The following PITPNM2 variants were observed in gnomAD, a reference collection of about 807,000 sequenced individuals.
PITPNM2 encodes the protein membrane-associated phosphatidylinositol transfer protein 2.
In PITPNM2, 35 loss-of-function variants were observed where a neutral mutation model predicts 132.2. The ratio of observed to expected loss-of-function variants is 0.26; its 90% confidence interval spans 0.20 to 0.35. The LOEUF (loss-of-function observed/expected upper bound fraction) is 0.35. Among genes scored for constraint, PITPNM2 ranks in the 10% least tolerant of loss-of-function variants. The probability of loss-of-function intolerance (pLI) is 1.00; values close to 1 mark genes in which losing one functional copy is unlikely to be tolerated. For missense variants in PITPNM2, 1,332 were observed against 1,912.0 expected (o/e 0.70, Z 5.66); for synonymous variants, 738 against 799.2 (o/e 0.92, Z 1.29).
intron 1 of PITPNM2, among the ~76,000 whole-genome samples, chr12:123,122,384 C>T (rs969988676): frequency 6.6e-6 from 1 of 152,142 alleles, no homozygotes; most frequent in African/African-American, 2.4e-5. Flanking sequence ...ATCGCTTGAA[C>T]CTGGGAGGCG....
intron 1 of PITPNM2, among the ~76,000 whole-genome samples, chr12:123,144,676 C>T (rs2043575501): frequency 6.6e-6 from 1 of 152,142 alleles, no homozygotes; most frequent in South Asian, 2.1e-4. Flanking sequence ...ATTATCTGCC[C>T]ACCTCGGCCT....
intron 3 of PITPNM2, among the ~76,000 whole-genome samples, chr12:123,014,577 C>G (rs1009004049): frequency 6.6e-6 from 1 of 152,092 alleles, no homozygotes; most frequent in South Asian, 2.1e-4. Context: ...GTGGCACATG[C>G]CTGTAGCCCC....
rs930639521 is a variant in PITPNM2 at position 123,036,524 on chromosome 12, A to G, written c.-95-1839T>C. 5.9e-5 allele frequency among the ~76,000 whole-genome samples: 9 copies of G among 152,344 alleles called. No homozygotes were observed. The East Asian group carries it at 1.7e-3, about 29-fold the overall frequency. On this transcript the variant is annotated intron_variant, in intron 2 of 25. Coordinates refer to ENST00000320201, the MANE Select transcript of PITPNM2 (RefSeq NM_020845.3). This position sits in a 1 kb window ranked among gnomAD's most constrained non-coding sequence, Gnocchi z 4.1. ...CATAGCAAGACCCTCCTCTCTATTA[A>G]AAAAGAACCCAATTCTCACATCCAG...
At chr12:123,075,504 C>G (rs755196625) in intron 2 of PITPNM2, 1 of 152,248 alleles carries the variant, frequency 6.6e-6, no homozygotes, top group Non-Finnish European at 1.5e-5. Context: ...CTGTCTGAAC[C>G]ACAGGGCTTC....
rs543637004 is a variant in PITPNM2, at chr12:123,083,883, C to A, written c.-96+26502G>T. ...CGTCCTGCCAGGCTATTTATAGCCT[C>A]CCTCTCTCTGAAAACTCCTTCACCC... On this transcript the variant is annotated intron_variant, in intron 2 of 25. Transcript: ENST00000320201. The surrounding 1 kb of genome is among the most constrained non-coding windows in gnomAD (Gnocchi z 4.5). 6.6e-6 allele frequency: 1 copy of A among 152,400 alleles called. No individual in the cohort carries two copies. The highest frequency in any genetic ancestry group is 2.4e-5 in the African/African-American group (1 of 41,584). The allele number at this position is 152,400 out of a possible 1,614,324, so 9.4% of individuals were successfully genotyped here.
In PITPNM2 at chr12:123,004,854, T is replaced by C. The variant is rs1313045473; in HGVS notation, c.953-365A>G. Among the ~76,000 whole-genome samples, 1 of 151,708 alleles carries C rather than the reference T, an allele frequency of 6.6e-6. No individual in the cohort carries two copies. Among genetic ancestry groups the C allele is most frequent in the Non-Finnish European group, 1.5e-5 (1 of 67,878 alleles). ...GCCACAGCAGGGCCCAGGCGGGAGA[T>C]GAGTGAGCCAGGCCTGCCTGCTGGA... is the stretch of plus-strand genomic sequence containing the variant. On this transcript the variant is annotated intron_variant, in intron 7 of 25. Coordinates refer to ENST00000320201, the MANE Select transcript of PITPNM2 (RefSeq NM_020845.3). This position sits in a 1 kb window ranked among gnomAD's most constrained non-coding sequence, Gnocchi z 4.9.
chr12:123,036,802 G>A lies in PITPNM2; in HGVS notation c.-95-2117C>T, dbSNP rs1391787099. ...TTCCTTGCCCTGTTCCCCTCCTTGG[G>A]GTGGCCCCAGGCCCTGCTATATCCA... On this transcript the variant is annotated intron_variant, in intron 2 of 25. Coordinates refer to ENST00000320201, the MANE Select transcript of PITPNM2 (RefSeq NM_020845.3). This position sits in a 1 kb window ranked among gnomAD's most constrained non-coding sequence, Gnocchi z 4.1. Among the ~76,000 whole-genome samples the A allele has an allele frequency of 2.6e-5, 4 of 152,118 alleles. No homozygotes were observed. Among genetic ancestry groups the A allele is most frequent in the Non-Finnish European group, 5.9e-5 (4 of 67,998 alleles).
intron 2 of PITPNM2, among the ~76,000 whole-genome samples, chr12:123,063,763 G>A (rs1245000543): frequency 1.3e-5 from 2 of 152,188 alleles, no homozygotes; most frequent in Non-Finnish European, 2.9e-5. Flanking sequence ...CTCAGGCTTT[G>A]ACATCAGAAT....
chr12:123,034,419 G>A (rs1555291044), intron 3 of PITPNM2, 94 bp downstream of exon 3: 5 of 1,217,242 alleles, frequency 4.1e-6, no homozygotes, highest in East Asian at 4.7e-5. Flanking sequence ...GCACTGCACT[G>A]TGAAGGCCAC....
At chr12:123,068,311 CA>C (rs376687479) in intron 2 of PITPNM2, among the ~76,000 whole-genome samples, 6 of 152,010 alleles carry the variant, frequency 3.9e-5, no homozygotes, top group Admixed American at 1.3e-4. Flanking sequence ...ACTAAAAATA[CA>C]AAAAATTAGC....
chr12:122,989,809 G>C lies in PITPNM2; in HGVS notation c.2709C>G (p.Leu903=). ...TACCTTCTCCAATGTCCAGCTCAGG[G>C]AGGCCAGGGGCCCTCTCCAGGCCAG... ...ASPGLERAPG[L]PELDIGEVAA... Residue 903 remains leucine, a synonymous_variant, in exon 18 of 26, where the codon CTC becomes CTG. Transcript: ENST00000320201. 2.1e-6 allele frequency: 3 copies of C among 1,407,104 alleles called. No individual in the cohort carries two copies. Among genetic ancestry groups the C allele is most frequent in the Non-Finnish European group, 1.9e-6 (2 of 1,077,270 alleles). The allele number at this position is 1,407,104 out of a possible 1,614,324, so 87.2% of individuals were successfully genotyped here. A position where few individuals can be genotyped will look rare whatever the true frequency, so the allele number is the denominator to read the frequency against.
In PITPNM2 at chr12:123,099,212, C is replaced by T. The variant is rs1341751126; in HGVS notation, c.-96+11173G>A. 6.6e-6 allele frequency among the ~76,000 whole-genome samples: 1 copy of T among 151,960 alleles called. No homozygotes were observed. Among genetic ancestry groups the T allele is most frequent in the Non-Finnish European group, 1.5e-5 (1 of 67,990 alleles). On this transcript the variant is annotated intron_variant, in intron 2 of 25. Transcript: ENST00000320201. The surrounding 1 kb of genome is among the most constrained non-coding windows in gnomAD (Gnocchi z 4.2). Reference sequence around the variant, plus strand: ...GGCAACTGATTCCCTCCTTCACGCTCACCCAGAACTGTCGATTTTGCTGAA... The same window carrying T: ...GGCAACTGATTCCCTCCTTCACGCTTACCCAGAACTGTCGATTTTGCTGAA...
chr12:122,999,004 G>A (rs1001182227), intron 10 of PITPNM2, among the ~76,000 whole-genome samples: 3 of 152,058 alleles, frequency 2.0e-5, no homozygotes, highest in Non-Finnish European at 4.4e-5. Context: ...CCAGCTACTC[G>A]GGAGGCTGAG....
intron 6 of PITPNM2, among the ~76,000 whole-genome samples, chr12:123,006,479 T>C (rs751173151): frequency 1.3e-5 from 2 of 151,042 alleles, no homozygotes; most frequent in Non-Finnish European, 2.9e-5. Context: ...GGTGAGAGGA[T>C]GGCTTGAGGC....
chr12:123,030,471 A>G (rs1412885535), intron 3 of PITPNM2, among the ~76,000 whole-genome samples: 1 of 152,166 alleles, frequency 6.6e-6, no homozygotes, highest in African/African-American at 2.4e-5. Flanking sequence ...AGGCGGGCGG[A>G]TCACGAGGTC....
intron 2 of PITPNM2, among the ~76,000 whole-genome samples, chr12:123,098,217 C>T (rs937009373): frequency 2.0e-5 from 3 of 152,138 alleles, no homozygotes; most frequent in Admixed American, 6.5e-5. Context: ...CCCACAGGCT[C>T]TGGGAGATGC....
chr12:122,988,023 G>C (rs1418042758), intron 20 of PITPNM2, 122 bp from the exon 21 acceptor site: 2 of 988,300 alleles, frequency 2.0e-6, no homozygotes, highest in African/African-American at 3.2e-5. Flanking sequence ...GCCCATGTCT[G>C]AGTCTGGATC....
rs1030361644 is a variant in PITPNM2, at chr12:123,000,159, G to C, written c.1224+619C>G. The C allele has an allele frequency of 2.8e-5, 15 of 536,522 alleles. No individual in the cohort carries two copies. The highest frequency in any genetic ancestry group is 4.3e-5 in the Non-Finnish European group (13 of 302,836). 33.2% of individuals were successfully genotyped at this position (536,522 alleles called of 1,614,324 possible). ...CTCCACCTTAGGTAGCTTGAGGCCAGAGCAGTGCGGTGACCGCAGGTGATG... is the reference window on the plus strand; with the variant it reads ...CTCCACCTTAGGTAGCTTGAGGCCACAGCAGTGCGGTGACCGCAGGTGATG... On this transcript the variant is annotated intron_variant, in intron 10 of 25. Transcript: ENST00000320201. This position sits in a 1 kb window ranked among gnomAD's most constrained non-coding sequence, Gnocchi z 5.4.
Position 123,034,694 on chromosome 12 carries a change from CAG to C in PITPNM2, c.-95-11_-95-10del, listed in dbSNP as rs2040211088. 1 of 929,472 alleles carries C rather than the reference CAG, an allele frequency of 1.1e-6. No homozygotes were observed. Among genetic ancestry groups the C allele is most frequent in the African/African-American group, 1.6e-5 (1 of 62,196 alleles). The allele number at this position is 929,472 out of a possible 1,614,324, so 57.6% of individuals were successfully genotyped here. On this transcript the variant is annotated splice_polypyrimidine_tract_variant and intron_variant, in intron 2 of 25. Coordinates refer to ENST00000320201, the MANE Select transcript of PITPNM2 (RefSeq NM_020845.3). ...AAATTCACCAAGGACCCCTGGGAGA[CAG>C]AGAGGACAGAACAGAACAGTCACTT...
Sources: gnomAD v4.1 joint callset for allele counts (sites outside exome capture counted in the v4.1 genomes callset) on GRCh38, gnomAD v4.1.1 for gene constraint, Gnocchi (gnomAD v3.1) non-coding constraint, MANE v1.5 for transcripts, NCBI Gene and HGNC (gene_info 2026-07-23, HGNC 2026-07-21) for gene names.